Variants in RCAN2 observed in about 807,000 individuals in gnomAD.
RCAN2 encodes regulator of calcineurin 2, also known as calcipressin-2.
Under a neutral mutation model 23.6 loss-of-function variants are expected in RCAN2, and 9 were observed. The ratio of observed to expected loss-of-function variants is 0.38; its 90% CI spans 0.23 to 0.67. The LOEUF is 0.67. RCAN2 is among the 30% of genes least tolerant of loss of function. The pLI, the probability that RCAN2 is intolerant of heterozygous loss-of-function variation, is 0.51. For missense variants in RCAN2, 273 were observed against 302.3 expected, an observed-to-expected ratio of 0.90 and a Z score of 0.72; for synonymous variants, 109 against 115.7, an observed-to-expected ratio of 0.94 and a Z score of 0.37.
intron 2 of RCAN2, among the ~76,000 whole-genome samples, chr6:46,405,583 C>T (rs912045806): frequency 6.6e-6 from 1 of 152,128 alleles, no homozygotes; most frequent in African/African-American, 2.4e-5. Context: ...TACAGAGTGT[C>T]GATTGGTGCA....
At chr6:46,314,315 T>C (rs972756612) in intron 2 of RCAN2, among the ~76,000 whole-genome samples, 1 of 142,582 alleles carries the variant, frequency 7.0e-6, no homozygotes, top group Non-Finnish European at 1.5e-5. Flanking sequence ...TGAGCCGAGA[T>C]TGCAACACTG....
chr6:46,253,820 A>C (rs1464668102), intron 2 of RCAN2, among the ~76,000 whole-genome samples: 1 of 152,232 alleles, frequency 6.6e-6, no homozygotes, highest in Non-Finnish European at 1.5e-5. Context: ...TTCTATGATT[A>C]GATATATTGA....
intron 2 of RCAN2, among the ~76,000 whole-genome samples, chr6:46,381,078 C>T (rs1765604963): frequency 6.6e-6 from 1 of 152,144 alleles, no homozygotes; most frequent in Non-Finnish European, 1.5e-5. Flanking sequence ...TCAATCAGAT[C>T]ACATTAAAAC....
chr6:46,483,591 CT>C (rs1317693698), intron 1 of RCAN2, among the ~76,000 whole-genome samples: 1 of 152,204 alleles, frequency 6.6e-6, no homozygotes, highest in Non-Finnish European at 1.5e-5. Flanking sequence ...AGTAATTCAA[CT>C]CAGAGCATCA....
chr6:46,338,323 C>T (rs1764204529), intron 2 of RCAN2, among the ~76,000 whole-genome samples: 1 of 152,158 alleles, frequency 6.6e-6, no homozygotes, highest in Non-Finnish European at 1.5e-5. Flanking sequence ...CATCACTGCT[C>T]CTGTGCTGCT....
intron 2 of RCAN2, among the ~76,000 whole-genome samples, chr6:46,405,024 T>C (rs1051665186): frequency 6.6e-6 from 1 of 152,100 alleles, no homozygotes; most frequent in African/African-American, 2.4e-5. Context: ...TTATAACGGG[T>C]TGGGGAAACA....
At position 46,445,571 on chromosome 6, in the gene RCAN2, T is replaced by C. The variant is rs913007043; in HGVS notation, c.225+11181A>G. On this transcript the variant is annotated intron_variant, in intron 2 of 4. Coordinates refer to ENST00000371374, the MANE Select transcript of RCAN2 (RefSeq NM_001251974.2). ...ACGTGACAGCATCAAAGGAATAAAA[T>C]AAAGCACCAATAACCACCCTCAAAA... Among the ~76,000 whole-genome samples, 9 of 152,048 alleles carry C rather than the reference T, an allele frequency of 5.9e-5. No homozygotes were observed. The East Asian group carries it at 9.6e-4, about 16-fold the overall frequency.
At chr6:46,282,334 G>A (rs2799361) in intron 2 of RCAN2, among the ~76,000 whole-genome samples, 147,816 of 151,740 alleles carry the variant, frequency 0.97, 72,021 homozygotes, top group East Asian at 1. Context: ...TCACGAGATC[G>A]GGAGATCGAG....
intron 2 of RCAN2, among the ~76,000 whole-genome samples, chr6:46,333,358 A>T (rs564160047): frequency 4.7e-4 from 71 of 152,336 alleles, no homozygotes; most frequent in African/African-American, 1.5e-3. Context: ...AATATGTAGA[A>T]ATAGGCCTTT....
chr6:46,358,952 A>T (rs1764920644), intron 2 of RCAN2, among the ~76,000 whole-genome samples: 1 of 152,182 alleles, frequency 6.6e-6, no homozygotes, highest in Admixed American at 6.5e-5. Context: ...GGGGACTATT[A>T]CAGCTAGAAA....
intron 2 of RCAN2, among the ~76,000 whole-genome samples, chr6:46,431,207 A>G (rs1767193177): frequency 1.3e-5 from 2 of 152,064 alleles, no homozygotes; most frequent in Non-Finnish European, 2.9e-5. Context: ...ATTTTTAAAA[A>G]AAAAAACTAT....
At chr6:46,477,654 A>G (rs1468554459) in intron 1 of RCAN2, among the ~76,000 whole-genome samples, 2 of 152,222 alleles carry the variant, frequency 1.3e-5, no homozygotes, top group Non-Finnish European at 2.9e-5. Context: ...GAGATTTGCC[A>G]GACAATACAC....
At chr6:46,240,006 A>G (rs1002572055) in intron 4 of RCAN2, among the ~76,000 whole-genome samples, 2 of 152,146 alleles carry the variant, frequency 1.3e-5, no homozygotes, top group Non-Finnish European at 2.9e-5. Context: ...TGGGAAGATA[A>G]AGAGGGAGAG....
At chr6:46,261,787 CA>C (rs1249179467) in intron 2 of RCAN2, among the ~76,000 whole-genome samples, 1 of 152,146 alleles carries the variant, frequency 6.6e-6, no homozygotes, top group African/African-American at 2.4e-5. Context: ...AAATTAGCCA[CA>C]AAATTTCTTT....
intron 2 of RCAN2, among the ~76,000 whole-genome samples, chr6:46,395,970 C>A (rs188464192): frequency 6.6e-6 from 1 of 152,148 alleles, no homozygotes; most frequent in Non-Finnish European, 1.5e-5. Context: ...AGTTTCACAA[C>A]CCTGCACGTC....
At chr6:46,250,945 C>G (rs991315198) in intron 2 of RCAN2, among the ~76,000 whole-genome samples, 2 of 152,090 alleles carry the variant, frequency 1.3e-5, no homozygotes, top group African/African-American at 4.8e-5. Context: ...TTCTGAGAAT[C>G]CCCAGGCTGC....
At chr6:46,229,632 C>G (rs1423269263) in intron 4 of RCAN2, among the ~76,000 whole-genome samples, 2 of 152,042 alleles carry the variant, frequency 1.3e-5, no homozygotes, top group Non-Finnish European at 2.9e-5. Flanking sequence ...GGTCATTTAA[C>G]GTCTTCTCTA....
chr6:46,390,121 C>A (rs1765889027), intron 2 of RCAN2, among the ~76,000 whole-genome samples: 1 of 151,730 alleles, frequency 6.6e-6, no homozygotes, highest in African/African-American at 2.4e-5. Context: ...CATGATGTCA[C>A]AAGCAAGAAG....
At chr6:46,469,534 C>G (rs1768494146) in intron 1 of RCAN2, among the ~76,000 whole-genome samples, 1 of 152,154 alleles carries the variant, frequency 6.6e-6, no homozygotes, top group Non-Finnish European at 1.5e-5. Flanking sequence ...GTAGAGGAAA[C>G]AAGTAGGAAC....
Sources: allele counts gnomAD v4.1 joint callset (sites outside exome capture counted in the v4.1 genomes callset), GRCh38; gene constraint gnomAD v4.1.1; transcripts MANE v1.5; gene names NCBI Gene and HGNC (gene_info 2026-07-23, HGNC 2026-07-21).